The following ERGIC1 variants were observed in gnomAD, a reference collection of about 807,000 sequenced individuals.
The protein encoded by ERGIC1 is endoplasmic reticulum-Golgi intermediate compartment protein 1.
Under a neutral mutation model 38.3 loss-of-function variants are expected in ERGIC1, and 19 were observed. That is an observed-to-expected ratio of 0.50 (90% CI 0.35 to 0.73). The LOEUF is 0.73. ERGIC1 is among the 30% of genes least tolerant of loss of function. The pLI is 0.01. For synonymous variants in ERGIC1, 124 were observed against 157.6 expected (o/e 0.79, Z 1.60); for missense variants, 294 against 389.2 (o/e 0.76, Z 2.06).
At chr5:172,938,987 T>C (rs979678465) in intron 9 of ERGIC1, among the ~76,000 whole-genome samples, 1 of 151,552 alleles carries the variant, frequency 6.6e-6, no homozygotes, top group Admixed American at 6.6e-5. Flanking sequence ...TGCTTGAACC[T>C]GGCAGACAGA....
At chr5:172,878,744 C>T (rs1056061948) in intron 1 of ERGIC1, among the ~76,000 whole-genome samples, 1 of 152,150 alleles carries the variant, frequency 6.6e-6, no homozygotes, top group Non-Finnish European at 1.5e-5. Flanking sequence ...AGGGCTCCCT[C>T]CCGCCTGCCT....
chr5:172,839,408 A>G (rs1051979061), intron 1 of ERGIC1, among the ~76,000 whole-genome samples: 1 of 151,610 alleles, frequency 6.6e-6, no homozygotes. Flanking sequence ...TCTATGGGGA[A>G]AAAAAAATGG....
At chr5:172,914,429 C>T in intron 4 of ERGIC1, 1 of 530,500 alleles carries the variant, frequency 1.9e-6, no homozygotes, top group Non-Finnish European at 3.4e-6. Flanking sequence ...ACTGAGGCAT[C>T]CAGAGGTTAA....
At chr5:172,947,942 G>GTAAGTCACATTTTCCTA in intron 9 of ERGIC1, among the ~76,000 whole-genome samples, 1 of 151,276 alleles carries the variant, frequency 6.6e-6, no homozygotes, top group East Asian at 2.0e-4. Flanking sequence ...TTCATTGCAC[G>GTAAGTCACATTTTCCTA]TAAGTCACAT....
At chr5:172,889,597 A>G (rs551576914) in intron 2 of ERGIC1, among the ~76,000 whole-genome samples, 16 of 152,284 alleles carry the variant, frequency 1.1e-4, no homozygotes, top group East Asian at 7.7e-4. Flanking sequence ...TTTGAGTAAT[A>G]AAATAAATAA....
At position 172,926,805 on chromosome 5, in the gene ERGIC1, C is replaced by A; in HGVS notation, c.541+236C>A. On this transcript the variant is annotated intron_variant, in intron 7 of 9. Transcript: ENST00000393784. The surrounding 1 kb of genome is among the most constrained non-coding windows in gnomAD (Gnocchi z 5.2). Reference sequence around the variant, plus strand: ...TCCCGGGGCACAGCAGACGCACGCACGCAGTGGATACCAGCTATTACCATT... The same window carrying A: ...TCCCGGGGCACAGCAGACGCACGCAAGCAGTGGATACCAGCTATTACCATT... 1 of 561,754 alleles carries A rather than the reference C, an allele frequency of 1.8e-6. No individual in the cohort carries two copies. Among genetic ancestry groups the A allele is most frequent in the South Asian group, 2.1e-5 (1 of 46,656 alleles). The allele number at this position is 561,754 out of a possible 1,614,324, so 34.8% of individuals were successfully genotyped here.
At chr5:172,950,525 C>G (rs1764208249) in intron 9 of ERGIC1, among the ~76,000 whole-genome samples, 184 bp from the exon 10 acceptor site, 1 of 152,334 alleles carries the variant, frequency 6.6e-6, no homozygotes, top group East Asian at 1.9e-4. Context: ...CACCATCCAA[C>G]AACTGGTTTT....
At chr5:172,935,059 G>A in intron 8 of ERGIC1, 129 bp from the exon 9 acceptor site, 3 of 1,364,544 alleles carry the variant, frequency 2.2e-6, no homozygotes, top group Non-Finnish European at 3.1e-6. Context: ...GAGTGGGGGA[G>A]TCTGGCTTCG....
Position 172,850,108 on chromosome 5 carries a change from G to A in ERGIC1, c.20+15675G>A, listed in dbSNP as rs373290846. Reference sequence around the variant, plus strand: ...AGGGTCCCAGGATGGGTTCAGTGTCGCCCTGATGTACCCAACAAGCCAGGT... The same window carrying A: ...AGGGTCCCAGGATGGGTTCAGTGTCACCCTGATGTACCCAACAAGCCAGGT... On this transcript the variant is annotated intron_variant, in intron 1 of 9. Transcript: ENST00000393784. 5.5e-4 allele frequency among the ~76,000 whole-genome samples: 83 copies of A among 152,220 alleles called. No individual in the cohort carries two copies. The East Asian group carries it at 7.5e-3, about 14-fold the overall frequency.
chr5:172,864,752 T>C (rs554724421), intron 1 of ERGIC1, among the ~76,000 whole-genome samples: 52 of 149,986 alleles, frequency 3.5e-4, no homozygotes, highest in Admixed American at 6.7e-4. Context: ...TCCCCCCCCC[T>C]TTTTTTTTGA....
intron 2 of ERGIC1, among the ~76,000 whole-genome samples, chr5:172,889,999 T>G (rs1762517833): frequency 6.6e-6 from 1 of 152,182 alleles, no homozygotes; most frequent in African/African-American, 2.4e-5. Context: ...TTCCCCTCTC[T>G]TGAGTGTGGA....
At chr5:172,904,619 G>A (rs1762972546) in intron 3 of ERGIC1, among the ~76,000 whole-genome samples, 1 of 152,240 alleles carries the variant, frequency 6.6e-6, no homozygotes, top group Admixed American at 6.5e-5. Context: ...CTTCCAGGTG[G>A]GTTGATTTCT....
intron 1 of ERGIC1, among the ~76,000 whole-genome samples, chr5:172,861,570 C>A (rs1007315221): frequency 1.1e-4 from 17 of 152,202 alleles, no homozygotes; most frequent in African/African-American, 3.6e-4. Flanking sequence ...AAATGGGAAG[C>A]ATCACACTGA....
chr5:172,882,015 A>T (rs997999108), intron 1 of ERGIC1, among the ~76,000 whole-genome samples: 2 of 151,802 alleles, frequency 1.3e-5, no homozygotes, highest in African/African-American at 2.4e-5. Context: ...GGTCTGTCAC[A>T]TGCCTGGGGT....
intron 9 of ERGIC1, among the ~76,000 whole-genome samples, chr5:172,939,310 G>A (rs929879280): frequency 6.6e-6 from 1 of 152,154 alleles, no homozygotes; most frequent in Non-Finnish European, 1.5e-5. Context: ...ACAAGAGGGC[G>A]CCATCCCCTT....
At chr5:172,924,258 C>T in intron 6 of ERGIC1, 149 bp downstream of exon 6, 2 of 767,406 alleles carry the variant, frequency 2.6e-6, no homozygotes, top group South Asian at 3.2e-5. Flanking sequence ...AGGGTTTCAC[C>T]AGGAACAGAA....
chr5:172,910,932 C>T (rs931915353), intron 4 of ERGIC1, among the ~76,000 whole-genome samples: 5 of 152,164 alleles, frequency 3.3e-5, no homozygotes, highest in African/African-American at 9.7e-5. Flanking sequence ...GTGACCTCTC[C>T]GAGCCTCAGA....
At chr5:172,885,887 T>C (rs1027406241) in intron 1 of ERGIC1, among the ~76,000 whole-genome samples, 2 of 152,160 alleles carry the variant, frequency 1.3e-5, no homozygotes, top group Non-Finnish European at 2.9e-5. Flanking sequence ...TCATTTGTCC[T>C]GTAGAGTGTT....
Position 172,834,519 on chromosome 5 carries a change from C to A in ERGIC1, c.20+86C>A. 8.2e-7 allele frequency: 1 copy of A among 1,218,534 alleles called. No individual in the cohort carries two copies. Among genetic ancestry groups the A allele is most frequent in the Non-Finnish European group, 1.0e-6 (1 of 970,604 alleles). The allele number at this position is 1,218,534 out of a possible 1,614,324, so 75.5% of individuals were successfully genotyped here. A position where few individuals can be genotyped will look rare whatever the true frequency, so the allele number is the denominator to read the frequency against. On this transcript the variant is annotated intron_variant, in intron 1 of 9. Transcript: ENST00000393784. The surrounding 1 kb of genome is among the most constrained non-coding windows in gnomAD (Gnocchi z 4.1). ...CACGCCGCGGACCCCTCCCGCCCTG[C>A]ATGCAAAAGCGGCTCCCCGCCCTGT...
Sources: gnomAD v4.1 joint callset for allele counts (sites outside exome capture counted in the v4.1 genomes callset) on GRCh38, gnomAD v4.1.1 for gene constraint, Gnocchi (gnomAD v3.1) non-coding constraint, MANE v1.5 for transcripts, NCBI Gene and HGNC (gene_info 2026-07-23, HGNC 2026-07-21) for gene names.